TRAF5: variants seen among roughly 807,000 people sequenced by gnomAD.
TRAF5 encodes the protein TNF receptor associated factor 5.
In TRAF5, 48 loss-of-function variants were observed where a neutral mutation model predicts 64.5. That is an observed-to-expected ratio of 0.74 (90% CI 0.59 to 0.95). The LOEUF (loss-of-function observed/expected upper bound fraction) is 0.95. TRAF5 is among the 40% of genes least tolerant of loss of function. The pLI is 0.00. For synonymous variants in TRAF5, 206 were observed against 240.5 expected, an observed-to-expected ratio of 0.86 and a Z score of 1.33; for missense variants, 545 against 662.8, an observed-to-expected ratio of 0.82 and a Z score of 1.95.
Position 211,374,178 on chromosome 1 carries a change from T to C in TRAF5, c.*1476T>C, listed in dbSNP as rs1703622118. 6.6e-6 allele frequency: 1 copy of C among 152,338 alleles called. No homozygotes were observed. The highest frequency in any genetic ancestry group is 1.5e-5 in the Non-Finnish European group (1 of 68,046). 9.4% of individuals were successfully genotyped at this position (152,338 alleles called of 1,614,324 possible). ...CTATCTGTATGGGTCTGAAGGTGTA[T>C]ATACAAACTGAGATGAGTCCTTATG... On this transcript the variant is annotated 3_prime_UTR_variant, in exon 11 of 11. Coordinates refer to ENST00000261464, the MANE Select transcript of TRAF5 (RefSeq NM_001033910.3).
chr1:211,354,332 T>C, intron 2 of TRAF5, 78 bp from the exon 3 acceptor site: 1 of 1,420,898 alleles, frequency 7.0e-7, no homozygotes, highest in Non-Finnish European at 9.8e-7. Context: ...AGAGCATGGC[T>C]GGAGCCCTGG....
chr1:211,348,120 T>C (rs1332118070), intron 1 of TRAF5, among the ~76,000 whole-genome samples: 1 of 152,196 alleles, frequency 6.6e-6, no homozygotes, highest in Non-Finnish European at 1.5e-5. Flanking sequence ...TGCACAGAGA[T>C]GTTTCCCTGA....
chr1:211,326,741 C>G (rs1463870282), upstream of TRAF5: 74 of 985,632 alleles, frequency 7.5e-5, no homozygotes, highest in Non-Finnish European at 8.6e-5. The surrounding 1 kb of genome is among the most constrained non-coding windows in gnomAD (Gnocchi z 5.0). Flanking sequence ...TGCGCGTCCG[C>G]TCTTCCCCTG....
chr1:211,347,476 C>T (rs145961706), intron 1 of TRAF5, among the ~76,000 whole-genome samples: 31 of 152,296 alleles, frequency 2.0e-4, no homozygotes, highest in African/African-American at 6.0e-4. Context: ...TATTTTTCTA[C>T]AATGTGTTAT....
At chr1:211,336,067 A>G (rs1262532181) in intron 1 of TRAF5, among the ~76,000 whole-genome samples, 1 of 152,164 alleles carries the variant, frequency 6.6e-6, no homozygotes, top group Non-Finnish European at 1.5e-5. Context: ...AAGGTTTAAA[A>G]TCAACATTGA....
intron 1 of TRAF5, among the ~76,000 whole-genome samples, chr1:211,338,708 C>T (rs4130305): frequency 0.29 from 44,428 of 151,908 alleles, 8,169 homozygotes; most frequent in African/African-American, 0.53. Context: ...CACTGCAGCC[C>T]CCACCTCCTG....
At chr1:211,345,602 T>A (rs1382696576) in intron 1 of TRAF5, among the ~76,000 whole-genome samples, 1 of 152,206 alleles carries the variant, frequency 6.6e-6, no homozygotes, top group Admixed American at 6.5e-5. Context: ...CCAGGACCCA[T>A]TGGTGGGCCT....
rs374270138 is a variant in TRAF5 at position 211,371,425 on chromosome 1, G to A, written c.1054G>A (p.Val352Met). The change falls in exon 10 of 11, where the codon GTG becomes ATG. Residue 352 changes from valine (V) to methionine (M), a missense_variant. Val to Met is a conservative substitution (Grantham distance 21). Transcript: ENST00000261464. The part of the protein sequence containing the change: ...LRPLMEAVDT[V>M]KQKITLLENN... Reference sequence around the variant, plus strand: ...ACCTTTGATGGAAGCAGTTGATACAGTGAAACAGAAAATTACCCTGCTAGA... The same window carrying A: ...ACCTTTGATGGAAGCAGTTGATACAATGAAACAGAAAATTACCCTGCTAGA... 32 of 1,608,362 alleles carry A rather than the reference G, an allele frequency of 2.0e-5. 1 individual carries two copies. In the Middle Eastern group the frequency reaches 4.3e-3, roughly 216 times the overall value.
chr1:211,369,905 T>C (rs1048588759), intron 9 of TRAF5, among the ~76,000 whole-genome samples: 6 of 152,170 alleles, frequency 3.9e-5, no homozygotes, highest in African/African-American at 1.2e-4. Flanking sequence ...ATTATGGCCC[T>C]TTACCTCTAC....
chr1:211,363,910 C>CAAAAA (rs35539677), intron 7 of TRAF5, among the ~76,000 whole-genome samples: 3 of 85,744 alleles, frequency 3.5e-5, no homozygotes, highest in Non-Finnish European at 4.6e-5. Context: ...GACCCTGTCT[C>CAAAAA]AAAAAAAAAA....
chr1:211,349,034 T>TAAAAAAAAA (rs373131975), intron 1 of TRAF5, among the ~76,000 whole-genome samples: 19 of 84,666 alleles, frequency 2.2e-4, no homozygotes, highest in African/African-American at 9.4e-4. Context: ...ACTCTGTCTC[T>TAAAAAAAAA]AAAAAAAAAA....
intron 4 of TRAF5, chr1:211,356,804 G>A (rs1007538818): frequency 1.2e-4 from 24 of 196,570 alleles, no homozygotes; most frequent in African/African-American, 5.6e-4. Context: ...GGGGAACTGT[G>A]TGGGACCCAG....
At chr1:211,371,070 GA>G (rs1703506232) in intron 9 of TRAF5, among the ~76,000 whole-genome samples, 1 of 152,152 alleles carries the variant, frequency 6.6e-6, no homozygotes, top group Non-Finnish European at 1.5e-5. Flanking sequence ...ATCAGATAAA[GA>G]AAAGTTCAAA....
chr1:211,342,449 G>T (rs920319182), intron 1 of TRAF5, among the ~76,000 whole-genome samples: 2 of 151,904 alleles, frequency 1.3e-5, no homozygotes, highest in Non-Finnish European at 2.9e-5. Context: ...GGTAAATGGG[G>T]TATCCATTAT....
rs71134676 is a variant in TRAF5 at position 211,361,692 on chromosome 1, GTTTTTTTT to G, written c.696+547_696+554del. 4.0e-5 allele frequency among the ~76,000 whole-genome samples: 3 copies of G among 75,316 alleles called. No individual in the cohort carries two copies. The East Asian group carries it at 1.2e-3, about 30-fold the overall frequency. 49.4% of individuals were successfully genotyped at this position (75,316 alleles called of 152,430 possible). On this transcript the variant is annotated intron_variant, in intron 7 of 10. Coordinates refer to ENST00000261464, the MANE Select transcript of TRAF5 (RefSeq NM_001033910.3). ...ATTAACCATCACAATAATTATTCGGGTTTTTTTTTTTTTTTTTTTTTTTTGAGACAGAG... is the reference window on the plus strand; with the variant it reads ...ATTAACCATCACAATAATTATTCGGGTTTTTTTTTTTTTTTTGAGACAGAG...
At chr1:211,355,527 C>T (rs570208956) in intron 3 of TRAF5, among the ~76,000 whole-genome samples, 16 of 152,246 alleles carry the variant, frequency 1.1e-4, no homozygotes, top group African/African-American at 3.6e-4. Flanking sequence ...CTGCTGTACA[C>T]GCATCTTCTC....
chr1:211,360,975 C>T, intron 6 of TRAF5, 113 bp from the exon 7 acceptor site: 1 of 1,133,106 alleles, frequency 8.8e-7, no homozygotes, highest in Non-Finnish European at 1.3e-6. Context: ...CTTGCCAGGC[C>T]TCTCTCCTTC....
rs182089843 is a variant in TRAF5 at position 211,345,144 on chromosome 1, C to T, written c.-1-8095C>T. ...GTTGGTCAGGCTGGTCTTGAACTCC[C>T]GACCTCAGGTGATCTACCCACCTCG... On this transcript the variant is annotated intron_variant, in intron 1 of 10. Coordinates refer to ENST00000261464, the MANE Select transcript of TRAF5 (RefSeq NM_001033910.3). Among the ~76,000 whole-genome samples, 631 of 152,094 alleles carry T rather than the reference C, an allele frequency of 4.1e-3. 1 individual carries two copies. Among genetic ancestry groups the T allele is most frequent in the Non-Finnish European group, 7.3e-3 (498 of 67,964 alleles).
At chr1:211,356,701 C>T (rs1702980577) in intron 4 of TRAF5, 1 of 447,376 alleles carries the variant, frequency 2.2e-6, no homozygotes, top group Non-Finnish European at 4.1e-6. Context: ...CTTGTATCCA[C>T]TAGACCTTAA....
Sources: allele counts gnomAD v4.1 joint callset (sites outside exome capture counted in the v4.1 genomes callset), GRCh38; gene constraint gnomAD v4.1.1; non-coding constraint Gnocchi (gnomAD v3.1); transcripts MANE v1.5; gene names NCBI Gene and HGNC (gene_info 2026-07-23, HGNC 2026-07-21).